The following SDHA variants were observed in gnomAD, a reference collection of about 807,000 sequenced individuals.
SDHA encodes succinate dehydrogenase complex flavoprotein subunit A.
A neutral mutation model predicts 78.4 loss-of-function variants in SDHA; 48 were observed. The ratio of observed to expected loss-of-function variants is 0.61; its 90% CI spans 0.49 to 0.78. The LOEUF is 0.78. Ranked by LOEUF, SDHA falls within the 30% of genes least tolerant of loss-of-function variation. SDHA has a pLI of 0.00. For missense variants in SDHA, 680 were observed against 892.7 expected (o/e 0.76, Z 3.04); for synonymous variants, 326 against 353.9 (o/e 0.92, Z 0.88).
chr5:250,649 T>C (rs921393847), intron 11 of SDHA: 2 of 354,992 alleles, frequency 5.6e-6, no homozygotes, highest in Admixed American at 3.9e-5. Flanking sequence ...CCGCCAGGGG[T>C]GTGGAGAGGC....
chr5:251,067 T>A lies in SDHA; in HGVS notation c.1627T>A (p.Tyr543Asn). 2 of 1,612,054 alleles carry A rather than the reference T, an allele frequency of 1.2e-6. No homozygotes were observed. Among genetic ancestry groups the A allele is most frequent in the Non-Finnish European group, 1.7e-6 (2 of 1,179,852 alleles). The change falls in exon 12 of 15, where the codon TAT becomes AAT. Residue 543 changes from tyrosine (Y) to asparagine (N), a missense_variant. Tyr to Asn is a moderately radical substitution (Grantham distance 143). Coordinates refer to ENST00000264932, the MANE Select transcript of SDHA (RefSeq NM_004168.4). ...QEGCGKISKL[Y>N]GDLKHLKTFD... ...AGGTTGTGGGAAAATCAGCAAGCTC[T>A]ATGGAGACCTAAAGCACCTGAAGAC...
Position 226,025 on chromosome 5 carries a change from T to C in SDHA, c.599T>C (p.Leu200Pro). Residue 200 changes from leucine (L) to proline (P), a missense_variant, in exon 5 of 15, where the codon CTA becomes CCA. By Grantham distance (98) the Leu-to-Pro change is moderately conservative. Coordinates refer to ENST00000264932, the MANE Select transcript of SDHA (RefSeq NM_004168.4). ...GTGGCTGATCGGACTGGCCACTCGC[T>C]ATTGCACACCTTATATGGAAGGGTA... ...CCVADRTGHS[L>P]LHTLYGRSLR... 1.2e-6 allele frequency: 2 copies of C among 1,614,184 alleles called. No individual in the cohort carries two copies. The highest frequency in any genetic ancestry group is 1.7e-5 in the Admixed American group (1 of 60,034).
chr5:218,583 C>G (rs1177862743), intron 1 of SDHA, among the ~76,000 whole-genome samples, 165 bp downstream of exon 1: 1 of 152,202 alleles, frequency 6.6e-6, no homozygotes, highest in Non-Finnish European at 1.5e-5. Context: ...CGAGGGGAAG[C>G]CGCGGGGCGG....
chr5:264,649 C>T, the SDHA span, among the ~76,000 whole-genome samples: 1 of 152,222 alleles, frequency 6.6e-6, no homozygotes, highest in Non-Finnish European at 1.5e-5. Flanking sequence ...CTGGGCTAGG[C>T]AGCATCACAG....
At position 246,543 on chromosome 5, in the gene SDHA, A is replaced by G. The variant is rs537777937; in HGVS notation, c.1552-4449A>G. On this transcript the variant is annotated intron_variant, in intron 11 of 14. Transcript: ENST00000264932. ...TCGAAAAGCAAGGCCATAAAGCCCA[A>G]GTAAATAGAATAGTTCCAGAGAAGG... Among the ~76,000 whole-genome samples, 4 of 152,406 alleles carry G rather than the reference A, an allele frequency of 2.6e-5. No individual in the cohort carries two copies. The East Asian group carries it at 5.8e-4, about 22-fold the overall frequency.
Position 235,596 on chromosome 5 carries a change from C to T in SDHA, c.1260+257C>T, listed in dbSNP as rs996078040. On this transcript the variant is annotated intron_variant, in intron 9 of 14. Transcript: ENST00000264932. ...TTTTGTAATTACTTTCCTATATGAT[C>T]TTGTGTTATTTCTAATGATCTTACA... 4 of 522,950 alleles carry T rather than the reference C, an allele frequency of 7.6e-6. No homozygotes were observed. In the African/African-American group the frequency reaches 7.7e-5, roughly 10 times the overall value. The allele number at this position is 522,950 out of a possible 1,614,324, so 32.4% of individuals were successfully genotyped here. A position where few individuals can be genotyped will look rare whatever the true frequency, so the allele number is the denominator to read the frequency against.
intron 5 of SDHA, among the ~76,000 whole-genome samples, chr5:226,746 G>A (rs1004429039): frequency 1.3e-5 from 2 of 151,952 alleles, no homozygotes; most frequent in Non-Finnish European, 2.9e-5. Flanking sequence ...GCCTAACACT[G>A]TGAAACCCCG....
At chr5:264,354 G>A in the SDHA span, among the ~76,000 whole-genome samples, 2 of 152,224 alleles carry the variant, frequency 1.3e-5, no homozygotes, top group Non-Finnish European at 2.9e-5. Context: ...TTTGGAAGGT[G>A]GCCCTGAGCA....
intron 1 of SDHA, among the ~76,000 whole-genome samples, chr5:219,152 C>T (rs1349838131): frequency 1.3e-5 from 2 of 152,254 alleles, no homozygotes; most frequent in African/African-American, 4.8e-5. Context: ...AGGCGGAGAG[C>T]TCAGCGCACT....
intron 11 of SDHA, among the ~76,000 whole-genome samples, chr5:240,705 T>G (rs150390853): frequency 0.019 from 2,865 of 152,066 alleles, 33 homozygotes; most frequent in Middle Eastern, 0.071. Context: ...GAGCTCCCAG[T>G]CTCTGCTACT....
At chr5:245,477 G>A (rs1258403857) in intron 11 of SDHA, among the ~76,000 whole-genome samples, 1 of 152,216 alleles carries the variant, frequency 6.6e-6, no homozygotes, top group East Asian at 1.9e-4. Flanking sequence ...CCAACGATTT[G>A]CCAGACTTGT....
At chr5:223,677 C>T in intron 2 of SDHA, 109 bp downstream of exon 2, 1 of 751,916 alleles carries the variant, frequency 1.3e-6, no homozygotes, top group Non-Finnish European at 2.4e-6. Flanking sequence ...AAAAATTTCT[C>T]ATAGGTATCC....
In SDHA at chr5:226,033, A is replaced by G. The variant is rs373340696; in HGVS notation, c.607A>G (p.Thr203Ala). The change falls in exon 5 of 15, where the codon ACC becomes GCC. Residue 203 changes from threonine (T) to alanine (A), a missense_variant. Coordinates refer to ENST00000264932, the MANE Select transcript of SDHA (RefSeq NM_004168.4). ...TCGGACTGGCCACTCGCTATTGCACACCTTATATGGAAGGGTAAGGCCGCC... is the reference window on the plus strand; with the variant it reads ...TCGGACTGGCCACTCGCTATTGCACGCCTTATATGGAAGGGTAAGGCCGCC... ...ADRTGHSLLHTLYGRSLRYDT... is the reference protein window; with the variant it reads ...ADRTGHSLLHALYGRSLRYDT... 47 of 1,614,058 alleles carry G rather than the reference A, an allele frequency of 2.9e-5. No homozygotes were observed. Among genetic ancestry groups the G allele is most frequent in the Non-Finnish European group, 3.9e-5 (46 of 1,180,046 alleles).
Position 228,286 on chromosome 5 carries a change from C to G in SDHA, c.723C>G (p.Asp241Glu), listed in dbSNP as rs146653693. ...GTGTCATCGCACTGTGCATAGAGGA[C>G]GGGTCCATCCATCGCATAAGAGCAA... ...CRGVIALCIE[D>E]GSIHRIRAKN... Residue 241 changes from aspartate (D) to glutamate (E), a missense_variant, in exon 6 of 15, where the codon GAC (aspartate) becomes GAG (glutamate). Asp to Glu is a conservative substitution (Grantham distance 45). Coordinates refer to ENST00000264932, the MANE Select transcript of SDHA (RefSeq NM_004168.4). 6.2e-7 allele frequency: 1 copy of G among 1,613,780 alleles called. No individual in the cohort carries two copies. Among genetic ancestry groups the G allele is most frequent in the South Asian group, 1.1e-5 (1 of 91,054 alleles).
At chr5:233,692 G>C in intron 8 of SDHA, 47 bp downstream of exon 8, 1 of 1,603,326 alleles carries the variant, frequency 6.2e-7, no homozygotes, top group Non-Finnish European at 8.5e-7. Context: ...CACACGGGCC[G>C]GGGTTGCTTC....
At chr5:231,038 G>C (rs192085012) in intron 7 of SDHA, 38 bp downstream of exon 7, 3 of 1,612,250 alleles carry the variant, frequency 1.9e-6, no homozygotes, top group Admixed American at 3.3e-5. Flanking sequence ...TGTTTGGCTT[G>C]TGTGTGTCTT....
intron 13 of SDHA, chr5:253,153 T>G (rs1396890072): frequency 6.6e-6 from 1 of 152,242 alleles, no homozygotes; most frequent in Non-Finnish European, 1.5e-5. Flanking sequence ...AAGTTCAGGA[T>G]AAACCACATC....
intron 3 of SDHA, chr5:224,809 C>G (rs1200000728): frequency 2.1e-6 from 1 of 471,400 alleles, no homozygotes; most frequent in Admixed American, 3.4e-5. Flanking sequence ...ACCCCAACAC[C>G]TTAAGAAAAG....
At chr5:245,408 A>T (rs772571928) in intron 11 of SDHA, among the ~76,000 whole-genome samples, 3 of 152,220 alleles carry the variant, frequency 2.0e-5, no homozygotes, top group African/African-American at 4.8e-5. Flanking sequence ...GCAGTAAACA[A>T]CCTGCAGCCT....
Sources: gnomAD v4.1 joint callset for allele counts (sites outside exome capture counted in the v4.1 genomes callset) on GRCh38, gnomAD v4.1.1 for gene constraint, MANE v1.5 for transcripts, NCBI Gene and HGNC (gene_info 2026-07-23, HGNC 2026-07-21) for gene names.